EYS: variants seen among roughly 807,000 people sequenced by gnomAD.
EYS encodes protein eyes shut homolog.
Under a neutral mutation model 282.1 loss-of-function variants are expected in EYS, and 250 were observed. The ratio of observed to expected loss-of-function variants is 0.89; its 90% CI spans 0.80 to 0.98. The LOEUF is 0.98. Ranked by LOEUF, EYS falls within the 50% of genes least tolerant of loss-of-function variation. The pLI, the probability that EYS is intolerant of heterozygous loss-of-function variation, is 0.00. For missense variants in EYS, 4,016 were observed against 3,709.0 expected, an observed-to-expected ratio of 1.08 and a Z score of -2.15; for synonymous variants, 1,355 against 1,282.9, an observed-to-expected ratio of 1.06 and a Z score of -1.20.
At chr6:64,270,278 G>A (rs982591267) in intron 30 of EYS, among the ~76,000 whole-genome samples, 1 of 151,728 alleles carries the variant, frequency 6.6e-6, no homozygotes, top group African/African-American at 2.4e-5. Flanking sequence ...TTTCACATGT[G>A]TCATCACATG....
intron 33 of EYS, among the ~76,000 whole-genome samples, chr6:64,035,585 C>A (rs1219176835): frequency 6.6e-6 from 1 of 152,126 alleles, no homozygotes; most frequent in Non-Finnish European, 1.5e-5. Flanking sequence ...TTCTATGAAA[C>A]CAGAGTAAAG....
rs1032846139 is a variant in EYS at position 64,911,408 on chromosome 6, G to A, written c.2641+1076C>T. Reference sequence around the variant, plus strand: ...CAGAAGGCCCAGAAGTTTCTGTCACGTATACAGGTTCAAGAACTTGCTTCA... The same window carrying A: ...CAGAAGGCCCAGAAGTTTCTGTCACATATACAGGTTCAAGAACTTGCTTCA... On this transcript the variant is annotated intron_variant, in intron 16 of 42. Coordinates refer to ENST00000503581, the MANE Select transcript of EYS (RefSeq NM_001142800.2). Among the ~76,000 whole-genome samples the A allele has an allele frequency of 5.3e-5, 8 of 151,994 alleles. No individual in the cohort carries two copies. The South Asian group carries it at 1.0e-3, about 20-fold the overall frequency.
At chr6:64,872,385 A>G (rs988448949) in intron 19 of EYS, among the ~76,000 whole-genome samples, 3 of 152,054 alleles carry the variant, frequency 2.0e-5, no homozygotes, top group African/African-American at 7.2e-5. Flanking sequence ...CAAGCTGCCT[A>G]ATAATTAATT....
At chr6:65,213,672 T>A (rs922166784) in intron 12 of EYS, among the ~76,000 whole-genome samples, 1 of 152,180 alleles carries the variant, frequency 6.6e-6, no homozygotes, top group Non-Finnish European at 1.5e-5. Flanking sequence ...GTTGTGTATG[T>A]CATTACTGTT....
chr6:64,717,644 T>C (rs1771442573), intron 22 of EYS, among the ~76,000 whole-genome samples: 1 of 152,180 alleles, frequency 6.6e-6, no homozygotes, highest in Non-Finnish European at 1.5e-5. Context: ...CTGGCACCCC[T>C]AGTTTAAGGA....
At chr6:63,863,670 T>TTTCTTTTCTTTTC (rs4034985) in intron 36 of EYS, among the ~76,000 whole-genome samples, 944 of 71,104 alleles carry the variant, frequency 0.013, 4 homozygotes, top group African/African-American at 0.025. Context: ...TTTCTTTTCT[T>TTTCTTTTCTTTTC]TTTTCTTTTT....
At chr6:64,336,256 A>G (rs628938) in intron 29 of EYS, among the ~76,000 whole-genome samples, 109,024 of 151,982 alleles carry the variant, frequency 0.72, 39,313 homozygotes, top group African/African-American at 0.79. Flanking sequence ...TAACACAAAA[A>G]GACTCACATA....
intron 35 of EYS, among the ~76,000 whole-genome samples, chr6:63,910,806 T>G (rs1773893525): frequency 6.6e-6 from 1 of 152,172 alleles, no homozygotes; most frequent in Non-Finnish European, 1.5e-5. Context: ...ATATTTATAT[T>G]ATTAGCATTT....
chr6:64,140,596 G>T (rs1210436011), intron 31 of EYS, among the ~76,000 whole-genome samples: 1 of 152,110 alleles, frequency 6.6e-6, no homozygotes, highest in Admixed American at 6.6e-5. Flanking sequence ...AATGAGTTTG[G>T]GCTGTGTATG....
chr6:65,697,365 T>G (rs1769491157), intron 1 of EYS, among the ~76,000 whole-genome samples: 1 of 152,124 alleles, frequency 6.6e-6, no homozygotes, highest in African/African-American at 2.4e-5. Context: ...ACTGCAGGCA[T>G]GCTTTACAAT....
At chr6:64,143,815 A>G (rs961434640) in intron 31 of EYS, among the ~76,000 whole-genome samples, 6 of 152,230 alleles carry the variant, frequency 3.9e-5, no homozygotes, top group Non-Finnish European at 8.8e-5. Context: ...TGGTATATAT[A>G]TAGTCAATTA....
intron 24 of EYS, among the ~76,000 whole-genome samples, chr6:64,611,934 A>G (rs1305089747): frequency 6.6e-6 from 1 of 152,132 alleles, no homozygotes; most frequent in Non-Finnish European, 1.5e-5. Flanking sequence ...CTATTAGGAG[A>G]TAATAAATAT....
At chr6:65,402,377 G>A (rs1358643035) in intron 7 of EYS, 101 bp downstream of exon 7, 2 of 856,382 alleles carry the variant, frequency 2.3e-6, no homozygotes, top group Non-Finnish European at 3.7e-6. Context: ...ATACCATTAA[G>A]TAAAAGTTAG....
At position 64,693,199 on chromosome 6, in the gene EYS, C is replaced by A. The variant is rs554918754; in HGVS notation, c.3444-66954G>T. Among the ~76,000 whole-genome samples, 103 of 151,368 alleles carry A rather than the reference C, an allele frequency of 6.8e-4. No homozygotes were observed. The Middle Eastern group carries it at 0.01, about 15-fold the overall frequency. ...GGTAAATTTAAAATATTATCATGTTCGTTAATTGAAAGACTTAATTTTTTT... is the reference window on the plus strand; with the variant it reads ...GGTAAATTTAAAATATTATCATGTTAGTTAATTGAAAGACTTAATTTTTTT... On this transcript the variant is annotated intron_variant, in intron 22 of 42. Transcript: ENST00000503581.
chr6:64,318,367 T>C (rs1047849309), intron 29 of EYS, among the ~76,000 whole-genome samples: 2 of 152,074 alleles, frequency 1.3e-5, no homozygotes, highest in African/African-American at 4.8e-5. Context: ...TTATCCATAC[T>C]GTATAAGCAG....
chr6:64,709,635 G>A (rs1215113148), intron 22 of EYS, among the ~76,000 whole-genome samples: 1 of 152,084 alleles, frequency 6.6e-6, no homozygotes, highest in Non-Finnish European at 1.5e-5. Context: ...CAAAAATATT[G>A]GCTGTAAATT....
At chr6:64,056,730 A>G (rs1770998658) in intron 33 of EYS, among the ~76,000 whole-genome samples, 1 of 152,322 alleles carries the variant, frequency 6.6e-6, no homozygotes, top group East Asian at 1.9e-4. Context: ...TGTCCATTGC[A>G]TTTGACTGGA....
intron 35 of EYS, among the ~76,000 whole-genome samples, chr6:63,905,091 C>T (rs891105089): frequency 4.6e-5 from 7 of 152,166 alleles, no homozygotes; most frequent in African/African-American, 1.7e-4. Flanking sequence ...GATCACTAAT[C>T]TGCTTTCTGT....
intron 5 of EYS, 98 bp from the exon 6 acceptor site, chr6:65,405,465 G>C: frequency 1.0e-6 from 1 of 958,402 alleles, no homozygotes; most frequent in South Asian, 1.5e-5. Context: ...AATTTCTCTA[G>C]AGTTTATGAA....
Sources: gnomAD v4.1 joint callset for allele counts (sites outside exome capture counted in the v4.1 genomes callset) on GRCh38, gnomAD v4.1.1 for gene constraint, MANE v1.5 for transcripts, NCBI Gene and HGNC (gene_info 2026-07-23, HGNC 2026-07-21) for gene names.